The following CAMK4 variants were observed in gnomAD, a reference collection of about 807,000 sequenced individuals.
The protein encoded by CAMK4 is calcium/calmodulin-dependent protein kinase type IV.
In CAMK4, 22 loss-of-function variants were observed where a neutral mutation model predicts 44.9. That is an observed-to-expected ratio of 0.49 (90% CI 0.35 to 0.70). The LOEUF is 0.70. Ranked by LOEUF, CAMK4 falls within the 30% of genes least tolerant of loss-of-function variation. The pLI is 0.01. For missense variants in CAMK4, 498 were observed against 586.8 expected, an observed-to-expected ratio of 0.85 and a Z score of 1.56; for synonymous variants, 218 against 215.4, an observed-to-expected ratio of 1.01 and a Z score of -0.11.
At chr5:111,351,539 G>A (rs1750105366) in intron 2 of CAMK4, among the ~76,000 whole-genome samples, 1 of 151,458 alleles carries the variant, frequency 6.6e-6, no homozygotes, top group Non-Finnish European at 1.5e-5. Flanking sequence ...CTTAGTAGCT[G>A]AGATTACAGG....
rs1240858769 is a variant in CAMK4, at chr5:111,494,317, A to C, written c.*9851A>C. Reference sequence around the variant, plus strand: ...CTGAAAATGGAGCTGTGAACACTTCATTTTTAAAACCTGACAATATGGTGC... The same window carrying C: ...CTGAAAATGGAGCTGTGAACACTTCCTTTTTAAAACCTGACAATATGGTGC... On this transcript the variant is annotated 3_prime_UTR_variant, in exon 11 of 11. Transcript: ENST00000282356. The C allele has an allele frequency of 1.3e-5, 2 of 152,198 alleles. No homozygotes were observed. Among genetic ancestry groups the C allele is most frequent in the Non-Finnish European group, 2.9e-5 (2 of 68,040 alleles). 9.4% of individuals were successfully genotyped at this position (152,198 alleles called of 1,614,324 possible).
chr5:111,364,745 A>T (rs1330183105), intron 2 of CAMK4, among the ~76,000 whole-genome samples: 1 of 151,976 alleles, frequency 6.6e-6, no homozygotes. Context: ...AATGTCTTAG[A>T]GTCTGCAGGG....
intron 1 of CAMK4, among the ~76,000 whole-genome samples, chr5:111,239,102 A>T (rs1294641247): frequency 6.6e-6 from 1 of 152,050 alleles, no homozygotes; most frequent in African/African-American, 2.4e-5. Flanking sequence ...CTTGAGTATC[A>T]TATGTTTTCA....
At chr5:111,458,376 G>A (rs1754494739) in intron 7 of CAMK4, among the ~76,000 whole-genome samples, 1 of 152,200 alleles carries the variant, frequency 6.6e-6, no homozygotes, top group Non-Finnish European at 1.5e-5. Context: ...TGCGTCTTTG[G>A]AGTCTTTATA....
chr5:111,237,550 A>G (rs2112510054), intron 1 of CAMK4, among the ~76,000 whole-genome samples: 1 of 152,358 alleles, frequency 6.6e-6, no homozygotes, highest in African/African-American at 2.4e-5. Flanking sequence ...CTATTGTTAC[A>G]TTCACTCATT....
chr5:111,341,910 A>G (rs1749662083), intron 1 of CAMK4, among the ~76,000 whole-genome samples: 1 of 151,424 alleles, frequency 6.6e-6, no homozygotes, highest in South Asian at 2.1e-4. Flanking sequence ...TATCTCGAAT[A>G]TGACAACTGT....
chr5:111,366,320 T>A (rs1456473436), intron 2 of CAMK4, among the ~76,000 whole-genome samples: 2 of 152,162 alleles, frequency 1.3e-5, no homozygotes, highest in African/African-American at 4.8e-5. Flanking sequence ...AATGCTGCTT[T>A]ACTTGCCTGA....
chr5:111,381,030 C>A (rs906990696), intron 4 of CAMK4, among the ~76,000 whole-genome samples: 2 of 152,124 alleles, frequency 1.3e-5, no homozygotes, highest in Non-Finnish European at 2.9e-5. Context: ...GTACCCTTAG[C>A]TCTGTGTAAT....
intron 1 of CAMK4, among the ~76,000 whole-genome samples, chr5:111,238,552 T>A (rs1748841777): frequency 6.6e-6 from 1 of 151,726 alleles, no homozygotes; most frequent in East Asian, 1.9e-4. Flanking sequence ...AAAATGTTTT[T>A]TTTTTTTAAG....
Position 111,446,677 on chromosome 5 carries a change from C to T in CAMK4, c.460-9C>T, listed in dbSNP as rs757073704. On this transcript the variant is annotated splice_polypyrimidine_tract_variant and intron_variant, in intron 5 of 10. Transcript: ENST00000282356. ...ACACAAATGTTATTTCATTATTTTC[C>T]CTCTTTAGTATCTACATGAAAATGG... 7 of 1,405,910 alleles carry T rather than the reference C, an allele frequency of 5.0e-6. No homozygotes were observed. The highest frequency in any genetic ancestry group is 4.3e-5 in the African/African-American group (3 of 69,472). 87.1% of individuals were successfully genotyped at this position (1,405,910 alleles called of 1,614,324 possible).
intron 1 of CAMK4, among the ~76,000 whole-genome samples, chr5:111,301,707 C>A (rs911593973): frequency 6.6e-6 from 1 of 152,172 alleles, no homozygotes; most frequent in Non-Finnish European, 1.5e-5. Flanking sequence ...CTTCCTTATA[C>A]CCTCCCCCAC....
At chr5:111,265,494 A>G (rs1260340448) in intron 1 of CAMK4, among the ~76,000 whole-genome samples, 1 of 152,308 alleles carries the variant, frequency 6.6e-6, no homozygotes, top group Non-Finnish European at 1.5e-5. Flanking sequence ...ACTGTACTCT[A>G]TATATACTCC....
intron 1 of CAMK4, among the ~76,000 whole-genome samples, chr5:111,248,605 A>G (rs1456494878): frequency 6.6e-6 from 1 of 151,754 alleles, no homozygotes; most frequent in Non-Finnish European, 1.5e-5. Context: ...AGTATCTAGC[A>G]CATTGCTTTA....
At chr5:111,476,445 T>C (rs1225379511) in intron 8 of CAMK4, among the ~76,000 whole-genome samples, 1 of 151,820 alleles carries the variant, frequency 6.6e-6, no homozygotes, top group Admixed American at 6.6e-5. Context: ...GCCCAGCTAA[T>C]TTTTTGTATT....
chr5:111,419,868 C>T (rs542038172), intron 5 of CAMK4, among the ~76,000 whole-genome samples: 10 of 152,260 alleles, frequency 6.6e-5, no homozygotes, highest in East Asian at 1.9e-4. Flanking sequence ...AGTTTGAAAT[C>T]GGGTAGCGTG....
At chr5:111,393,082 C>T (rs1561458791) in intron 4 of CAMK4, among the ~76,000 whole-genome samples, 1 of 152,136 alleles carries the variant, frequency 6.6e-6, no homozygotes, top group African/African-American at 2.4e-5. Flanking sequence ...AATAATTTAT[C>T]CCCTCTTTCC....
At chr5:111,387,513 A>G (rs977977688) in intron 4 of CAMK4, among the ~76,000 whole-genome samples, 1 of 152,196 alleles carries the variant, frequency 6.6e-6, no homozygotes, top group Non-Finnish European at 1.5e-5. Flanking sequence ...TAATCTTTTC[A>G]CTTATTGCAT....
At chr5:111,416,435 A>G (rs1265633156) in intron 5 of CAMK4, 10 of 152,214 alleles carry the variant, frequency 6.6e-5, no homozygotes, top group Non-Finnish European at 1.3e-4. Flanking sequence ...CAAAGATGAA[A>G]TTATCCAGAG....
chr5:111,481,601 A>G (rs898403580), intron 9 of CAMK4, among the ~76,000 whole-genome samples: 5 of 152,294 alleles, frequency 3.3e-5, no homozygotes, highest in East Asian at 3.9e-4. Flanking sequence ...GAGACCTACA[A>G]TCATTCAAAG....
Sources: gnomAD v4.1 joint callset for allele counts (sites outside exome capture counted in the v4.1 genomes callset) on GRCh38, gnomAD v4.1.1 for gene constraint, MANE v1.5 for transcripts, NCBI Gene and HGNC (gene_info 2026-07-23, HGNC 2026-07-21) for gene names.